The following SMG6 variants were observed in gnomAD, a reference collection of about 807,000 sequenced individuals.
SMG6 encodes the protein SMG6 nonsense mediated mRNA decay factor, also known as telomerase-binding protein EST1A.
A neutral mutation model predicts 142.2 loss-of-function variants in SMG6; 66 were observed. That is an observed-to-expected ratio of 0.46 (90% CI 0.38 to 0.57). The LOEUF (loss-of-function observed/expected upper bound fraction) is 0.57, where lower values mean the gene tolerates loss of function less well. Among genes scored for constraint, SMG6 ranks in the 20% least tolerant of loss-of-function variants. SMG6 has a pLI of 0.00. For synonymous variants in SMG6, 779 were observed against 702.4 expected (o/e 1.11, Z -1.72); for missense variants, 1,793 against 1,832.0 (o/e 0.98, Z 0.39).
At chr17:2,145,396 C>A (rs1261656314) in intron 13 of SMG6, among the ~76,000 whole-genome samples, 1 of 151,772 alleles carries the variant, frequency 6.6e-6, no homozygotes, top group Non-Finnish European at 1.5e-5. Context: ...GGATTACAGG[C>A]GTGAGCCACT....
intron 10 of SMG6, among the ~76,000 whole-genome samples, chr17:2,226,603 A>C (rs80051017): frequency 0.024 from 3,640 of 151,182 alleles, 93 homozygotes; most frequent in African/African-American, 0.064. Context: ...AACAAACAAA[A>C]AAAAAACAAA....
intron 8 of SMG6, among the ~76,000 whole-genome samples, chr17:2,255,330 G>A (rs1597720325): frequency 1.4e-5 from 2 of 145,588 alleles, no homozygotes; most frequent in Admixed American, 7.0e-5. Flanking sequence ...CGTGAACCCG[G>A]GAGGCGGAGC....
intron 13 of SMG6, among the ~76,000 whole-genome samples, chr17:2,158,395 G>A (rs1225156564): frequency 6.6e-6 from 1 of 152,058 alleles, no homozygotes; most frequent in Non-Finnish European, 1.5e-5. Context: ...CACTACAAAT[G>A]AGGTTTTATA....
chr17:2,185,906 C>T (rs986968788), intron 12 of SMG6, among the ~76,000 whole-genome samples: 6 of 152,126 alleles, frequency 3.9e-5, no homozygotes, highest in African/African-American at 1.4e-4. Flanking sequence ...CAGAAGACAG[C>T]ACAAGCAGCA....
intron 10 of SMG6, among the ~76,000 whole-genome samples, chr17:2,207,315 C>G (rs1396441381): frequency 6.6e-6 from 1 of 151,794 alleles, no homozygotes; most frequent in African/African-American, 2.4e-5. Context: ...ACAAAAAACC[C>G]CACTAAATTA....
intron 10 of SMG6, among the ~76,000 whole-genome samples, chr17:2,199,033 G>A (rs1555552811): frequency 6.6e-6 from 1 of 150,726 alleles, no homozygotes; most frequent in Non-Finnish European, 1.5e-5. Flanking sequence ...GCAAGAGAAC[G>A]TCATCGTCAA....
At chr17:2,241,127 A>G (rs2073791194) in intron 9 of SMG6, among the ~76,000 whole-genome samples, 1 of 152,188 alleles carries the variant, frequency 6.6e-6, no homozygotes, top group Admixed American at 6.5e-5. Context: ...CATTTTCCTC[A>G]ATGAAAACTA....
chr17:2,299,859 C>A lies in SMG6; in HGVS notation c.894G>T (p.Val298=). ...CCTCGTCTAAGGAATCGGTTGAGGA[C>A]ACAGACACTTGCTTCTTCAGTCGTG... is the stretch of plus-strand genomic sequence containing the variant. ...ERPRLKKQVS[V]SSTDSLDEDR... The change falls in exon 2 of 19, where the codon GTG becomes GTT. Residue 298 remains valine, a synonymous_variant. Transcript: ENST00000263073. This position sits in a 1 kb window ranked among gnomAD's most constrained non-coding sequence, Gnocchi z 4.3. 1 of 1,614,146 alleles carries A rather than the reference C, an allele frequency of 6.2e-7. No homozygotes were observed. The highest frequency in any genetic ancestry group is 2.2e-5 in the East Asian group (1 of 44,888).
At chr17:2,258,787 A>G (rs2074249653) in intron 8 of SMG6, among the ~76,000 whole-genome samples, 2 of 149,190 alleles carry the variant, frequency 1.3e-5, no homozygotes, top group Non-Finnish European at 3.0e-5. Flanking sequence ...TGACAGAGCA[A>G]GACGCCAGCT....
chr17:2,171,815 T>C (rs1414739065), intron 13 of SMG6, among the ~76,000 whole-genome samples: 6 of 151,996 alleles, frequency 3.9e-5, no homozygotes, highest in African/African-American at 1.5e-4. Flanking sequence ...GAGAAGACAT[T>C]TGTGGAGCCT....
At chr17:2,199,645 C>T (rs1048171752) in intron 10 of SMG6, 2 of 151,802 alleles carry the variant, frequency 1.3e-5, no homozygotes, top group African/African-American at 2.4e-5. Flanking sequence ...GTGGCTCACA[C>T]CTGTAATCCC....
At chr17:2,100,116 A>T (rs1169270609) in intron 13 of SMG6, among the ~76,000 whole-genome samples, 1 of 150,404 alleles carries the variant, frequency 6.6e-6, no homozygotes, top group Admixed American at 6.6e-5. Context: ...TGGCTCACTG[A>T]AATCTCCACC....
rs535200947 is a variant in SMG6 at position 2,085,128 on chromosome 17, GCACA to G, written c.3534+593_3534+596del. Among the ~76,000 whole-genome samples the G allele has an allele frequency of 8.6e-5, 13 of 151,624 alleles. No individual in the cohort carries two copies. Among genetic ancestry groups the G allele is most frequent in the East Asian group, 3.9e-4 (2 of 5,188 alleles). ...GGCTCATGCATGTGCATGCGCGTGCGCACACACACACACAGACGCGCACACACAC... is the reference window on the plus strand; with the variant it reads ...GGCTCATGCATGTGCATGCGCGTGCGCACACACACAGACGCGCACACACAC... On this transcript the variant is annotated intron_variant, in intron 14 of 18. Transcript: ENST00000263073. The surrounding 1 kb of genome is among the most constrained non-coding windows in gnomAD (Gnocchi z 4.1).
intron 6 of SMG6, among the ~76,000 whole-genome samples, chr17:2,289,571 A>G (rs1304296421): frequency 6.6e-6 from 1 of 151,994 alleles, no homozygotes; most frequent in Non-Finnish European, 1.5e-5. Flanking sequence ...ATATATATAC[A>G]CACATATATA....
chr17:2,150,651 T>C (rs1180965265), intron 13 of SMG6, among the ~76,000 whole-genome samples: 1 of 152,228 alleles, frequency 6.6e-6, no homozygotes, highest in African/African-American at 2.4e-5. Context: ...ATGGCCATCT[T>C]GAGATGTTCT....
chr17:2,197,790 A>G (rs1296167611), intron 10 of SMG6, among the ~76,000 whole-genome samples: 3 of 152,222 alleles, frequency 2.0e-5, no homozygotes, highest in African/African-American at 4.8e-5. Context: ...ATCTCATTAC[A>G]TATCTATCAG....
At chr17:2,114,954 A>AATAAAATAAAATAAAAT (rs5818847) in intron 13 of SMG6, among the ~76,000 whole-genome samples, 1 of 85,032 alleles carries the variant, frequency 1.2e-5, no homozygotes, top group African/African-American at 5.8e-5. Flanking sequence ...AATAAAATAA[A>AATAAAATAAAATAAAAT]AAAATGAAAT....
chr17:2,174,464 C>T (rs142843860), intron 12 of SMG6, among the ~76,000 whole-genome samples: 34 of 152,296 alleles, frequency 2.2e-4, no homozygotes, highest in African/African-American at 7.7e-4. Flanking sequence ...TGGAAGGAGG[C>T]TGCAATGGTT....
intron 6 of SMG6, among the ~76,000 whole-genome samples, chr17:2,285,174 G>C (rs2074876811): frequency 6.6e-6 from 1 of 151,938 alleles, no homozygotes; most frequent in Non-Finnish European, 1.5e-5. Flanking sequence ...AGGGAAGAAA[G>C]CAAGTCAATA....
Sources: gnomAD v4.1 joint callset for allele counts (sites outside exome capture counted in the v4.1 genomes callset) on GRCh38, gnomAD v4.1.1 for gene constraint, Gnocchi (gnomAD v3.1) non-coding constraint, MANE v1.5 for transcripts, NCBI Gene and HGNC (gene_info 2026-07-23, HGNC 2026-07-21) for gene names.